Variants in PRMT8 observed in about 807,000 individuals in gnomAD.
The protein encoded by PRMT8 is protein arginine N-methyltransferase 8.
A neutral mutation model predicts 47.1 loss-of-function variants in PRMT8; 7 were observed. The ratio of observed to expected loss-of-function variants is 0.15; its 90% CI spans 0.08 to 0.28. The LOEUF is 0.28. Among genes scored for constraint, PRMT8 ranks in the 10% least tolerant of loss-of-function variants. The pLI, the probability that PRMT8 is intolerant of heterozygous loss-of-function variation, is 1.00. For missense variants in PRMT8, 237 were observed against 505.4 expected, an observed-to-expected ratio of 0.47 and a Z score of 5.09; for synonymous variants, 188 against 186.5, an observed-to-expected ratio of 1.01 and a Z score of -0.07.
Position 3,491,640 on chromosome 12 carries a change from C to T in PRMT8, c.15C>T (p.His5=). 5 of 1,612,964 alleles carry T rather than the reference C, an allele frequency of 3.1e-6. No homozygotes were observed. Among genetic ancestry groups the T allele is most frequent in the Non-Finnish European group, 4.2e-6 (5 of 1,179,838 alleles). MGMK[H]SSRCLLLRRK... ...TGCCGGCTCTTATGGGCATGAAACA[C>T]TCCTCCCGCTGCCTGCTCCTGAGGA... Residue 5 remains histidine, a synonymous_variant, in exon 1 of 10, where the codon CAC becomes CAT. Coordinates refer to ENST00000382622, the MANE Select transcript of PRMT8 (RefSeq NM_019854.5).
At chr12:3,542,063 G>A (rs1866241715) in intron 2 of PRMT8, among the ~76,000 whole-genome samples, 1 of 152,122 alleles carries the variant, frequency 6.6e-6, no homozygotes, top group African/African-American at 2.4e-5. Flanking sequence ...CTTTCCATCT[G>A]GAAACTGTAA....
At chr12:3,520,228 G>T (rs879894522) in intron 1 of PRMT8, among the ~76,000 whole-genome samples, 1 of 152,314 alleles carries the variant, frequency 6.6e-6, no homozygotes, top group South Asian at 2.1e-4. Context: ...TGCATCTCTC[G>T]GCCTGTCGGG....
At chr12:3,452,334 CAT>C (rs1491064637) in intron 1 of PRMT8, among the ~76,000 whole-genome samples, 21 of 151,536 alleles carry the variant, frequency 1.4e-4, no homozygotes, top group African/African-American at 4.4e-4. Context: ...CACACACACA[CAT>C]ACACACACAC....
chr12:3,410,809 A>T (rs1409343378), intron 1 of PRMT8, among the ~76,000 whole-genome samples: 1 of 152,150 alleles, frequency 6.6e-6, no homozygotes, highest in African/African-American at 2.4e-5. Context: ...ACCCAGCTGC[A>T]TTTTATTTGC....
chr12:3,584,156 G>A (rs544097290), intron 8 of PRMT8, among the ~76,000 whole-genome samples: 1 of 152,240 alleles, frequency 6.6e-6, no homozygotes, highest in African/African-American at 2.4e-5. Context: ...GATTTCTGGT[G>A]AGGGATCTCC....
At chr12:3,469,053 C>T in intron 1 of PRMT8, 1 of 443,788 alleles carries the variant, frequency 2.3e-6, no homozygotes, top group South Asian at 1.9e-5. Flanking sequence ...GACAACAAGG[C>T]CATTAAGAAA....
At chr12:3,391,881 T>A (rs1411677062) in intron 1 of PRMT8, among the ~76,000 whole-genome samples, 1 of 152,188 alleles carries the variant, frequency 6.6e-6, no homozygotes, top group African/African-American at 2.4e-5. Flanking sequence ...AGAGGGCAGA[T>A]AAATGCACTC....
chr12:3,512,688 A>C (rs1228225357), intron 1 of PRMT8, among the ~76,000 whole-genome samples: 1 of 151,688 alleles, frequency 6.6e-6, no homozygotes, highest in Non-Finnish European at 1.5e-5. Flanking sequence ...GCACTCATTA[A>C]CTCTTCTTCC....
chr12:3,435,474 A>G (rs1223719167), intron 1 of PRMT8, among the ~76,000 whole-genome samples: 2 of 150,966 alleles, frequency 1.3e-5, no homozygotes, highest in Admixed American at 1.3e-4. Context: ...GCCAAGTGCC[A>G]TATGGCTGTA....
At chr12:3,408,390 T>A (rs973952101) in intron 1 of PRMT8, among the ~76,000 whole-genome samples, 9 of 151,938 alleles carry the variant, frequency 5.9e-5, no homozygotes, top group Non-Finnish European at 1.3e-4. Flanking sequence ...CTCAACAATA[T>A]CCTTGGCTAA....
At chr12:3,541,527 C>A (rs1185867289) in intron 2 of PRMT8, among the ~76,000 whole-genome samples, 1 of 152,198 alleles carries the variant, frequency 6.6e-6, no homozygotes, top group African/African-American at 2.4e-5. Context: ...GCACATTATA[C>A]GTATCATTTC....
At position 3,550,452 on chromosome 12, in the gene PRMT8, ATGTGACCT is replaced by A; in HGVS notation, c.417+364_417+371del. 4.0e-6 allele frequency: 1 copy of A among 249,556 alleles called. No individual in the cohort carries two copies. The highest frequency in any genetic ancestry group is 7.5e-5 in the South Asian group (1 of 13,304). The allele number at this position is 249,556 out of a possible 1,614,324, so 15.5% of individuals were successfully genotyped here. A position where few individuals can be genotyped will look rare whatever the true frequency, so the allele number is the denominator to read the frequency against. On this transcript the variant is annotated intron_variant, in intron 3 of 9. Transcript: ENST00000382622. This position sits in a 1 kb window ranked among gnomAD's most constrained non-coding sequence, Gnocchi z 5.1. Reference sequence around the variant, plus strand: ...ATCTCTGCATTTCCATTCACTAGGCATGTGACCTTGGACTATTCACTTCCCTGCACCTC... The same window carrying A: ...ATCTCTGCATTTCCATTCACTAGGCATGGACTATTCACTTCCCTGCACCTC...
chr12:3,517,843 A>C (rs1865819737), intron 1 of PRMT8, among the ~76,000 whole-genome samples: 1 of 152,170 alleles, frequency 6.6e-6, no homozygotes, highest in East Asian at 1.9e-4. Context: ...AAAAAATAAT[A>C]AAGTATTGCT....
intron 8 of PRMT8, among the ~76,000 whole-genome samples, chr12:3,587,352 C>G (rs941639452): frequency 2.7e-5 from 4 of 150,456 alleles, no homozygotes; most frequent in African/African-American, 9.7e-5. Flanking sequence ...ATTAGTATTA[C>G]TATTAGAAGG....
Position 3,456,113 on chromosome 12 carries a change from C to T in PRMT8, c.48+74671C>T, listed in dbSNP as rs967740888. On this transcript the variant is annotated intron_variant, in intron 1 of 9. Coordinates refer to the PRMT8 transcript ENST00000452611. This position sits in a 1 kb window ranked among gnomAD's most constrained non-coding sequence, Gnocchi z 4.2. Reference sequence around the variant, plus strand: ...CAAATACAAACTATTTAGCCCAACTCCTGGCCATGAGCTAGGTGCTAAGAG... The same window carrying T: ...CAAATACAAACTATTTAGCCCAACTTCTGGCCATGAGCTAGGTGCTAAGAG... Among the ~76,000 whole-genome samples the T allele has an allele frequency of 1.3e-5, 2 of 152,224 alleles. No homozygotes were observed. Among genetic ancestry groups the T allele is most frequent in the Non-Finnish European group, 2.9e-5 (2 of 68,044 alleles).
At chr12:3,478,034 C>A (rs1761576706) in intron 1 of PRMT8, among the ~76,000 whole-genome samples, 1 of 152,098 alleles carries the variant, frequency 6.6e-6, no homozygotes, top group African/African-American at 2.4e-5. Flanking sequence ...GTGGCATCAT[C>A]TATAATGCTC....
chr12:3,532,801 A>G (rs1866054366), intron 1 of PRMT8, among the ~76,000 whole-genome samples: 1 of 151,954 alleles, frequency 6.6e-6, no homozygotes, highest in African/African-American at 2.4e-5. Flanking sequence ...CCGTCCCAAA[A>G]TTTCTGATTC....
intron 1 of PRMT8, among the ~76,000 whole-genome samples, chr12:3,505,002 G>A (rs1865596291): frequency 7.9e-6 from 1 of 127,290 alleles, no homozygotes; most frequent in African/African-American, 3.0e-5. Context: ...GACTCGGAAA[G>A]GGAACTCCCT....
chr12:3,470,247 G>A (rs901081712), intron 1 of PRMT8, among the ~76,000 whole-genome samples: 1 of 152,204 alleles, frequency 6.6e-6, no homozygotes, highest in Non-Finnish European at 1.5e-5. Flanking sequence ...CCCCTGAGAG[G>A]GGCCGAGTCA....
Sources: allele counts gnomAD v4.1 joint callset (sites outside exome capture counted in the v4.1 genomes callset), GRCh38; gene constraint gnomAD v4.1.1; non-coding constraint Gnocchi (gnomAD v3.1); transcripts MANE v1.5; gene names NCBI Gene and HGNC (gene_info 2026-07-23, HGNC 2026-07-21).